BDP1: variants seen among roughly 807,000 people sequenced by gnomAD.
The protein encoded by BDP1 is transcription factor TFIIIB component B'' homolog.
BDP1 carries 169 observed loss-of-function variants against 266.6 expected under a neutral mutation model. That is an observed-to-expected ratio of 0.63 (90% CI 0.56 to 0.72). The LOEUF is 0.72. BDP1 is among the 30% of genes least tolerant of loss of function. The probability of loss-of-function intolerance (pLI) is 0.00; values close to 1 mark genes in which losing one functional copy is unlikely to be tolerated. For missense variants in BDP1, 3,015 were observed against 3,053.8 expected (o/e 0.99, Z 0.30); for synonymous variants, 1,090 against 1,022.4 (o/e 1.07, Z -1.26).
Position 71,524,123 on chromosome 5 carries a change from C to T in BDP1, c.5572C>T (p.Pro1858Ser). Residue 1858 changes from proline to serine, a missense_variant, in exon 25 of 39, where the codon CCT becomes TCT. This residue lies in a region of BDP1 where 2,383 missense variants were observed against 2,404.9 expected (regional missense o/e 0.99). Coordinates refer to ENST00000358731, the MANE Select transcript of BDP1 (RefSeq NM_018429.3). ...TCGGGGTAAGACCTCTAAGAAGGAACCTAGAGCTTCCAAGGCCATGCTGGT... is the reference window on the plus strand; with the variant it reads ...TCGGGGTAAGACCTCTAAGAAGGAATCTAGAGCTTCCAAGGCCATGCTGGT... ...RVRGKTSKKE[P>S]RASKAMLVTL... 6.2e-7 allele frequency: 1 copy of T among 1,614,158 alleles called. No homozygotes were observed. Among genetic ancestry groups the T allele is most frequent in the South Asian group, 1.1e-5 (1 of 91,084 alleles).
At chr5:71,550,678 C>T (rs1309735870) in intron 34 of BDP1, among the ~76,000 whole-genome samples, 1 of 152,020 alleles carries the variant, frequency 6.6e-6, no homozygotes, top group Non-Finnish European at 1.5e-5. Context: ...AGATAATTGT[C>T]CATCGTGTAG....
intron 7 of BDP1, 63 bp downstream of exon 7, chr5:71,470,552 A>G (rs1762175710): frequency 2.9e-6 from 3 of 1,029,904 alleles, no homozygotes; most frequent in Non-Finnish European, 4.4e-6. Context: ...TGTTAGTAGT[A>G]TTATTCGCTT....
chr5:71,507,113 C>T (rs900443975), intron 16 of BDP1, among the ~76,000 whole-genome samples: 7 of 152,100 alleles, frequency 4.6e-5, no homozygotes, highest in Admixed American at 4.6e-4. Context: ...TGAGCCACCA[C>T]GCCTGGCCAT....
At chr5:71,506,947 A>T (rs527804841) in intron 16 of BDP1, among the ~76,000 whole-genome samples, 1 of 152,050 alleles carries the variant, frequency 6.6e-6, no homozygotes, top group South Asian at 2.1e-4. Flanking sequence ...CAGCCTCCCA[A>T]GTAGCTGGGA....
intron 36 of BDP1, 33 bp downstream of exon 36, chr5:71,556,958 T>C: frequency 7.9e-7 from 1 of 1,266,522 alleles, no homozygotes; most frequent in East Asian, 2.7e-5. Context: ...TGATTGCATT[T>C]TGCTAAATAC....
At chr5:71,492,139 G>A in intron 11 of BDP1, among the ~76,000 whole-genome samples, 1 of 152,200 alleles carries the variant, frequency 6.6e-6, no homozygotes, top group Non-Finnish European at 1.5e-5. Context: ...TCTAGTACAT[G>A]TATAGACCAC....
Position 71,509,811 on chromosome 5 carries a change from A to G in BDP1, c.2719A>G (p.Arg907Gly). The change falls in exon 17 of 39, where the codon AGA (arginine) becomes GGA (glycine). Residue 907 changes from arginine (R) to glycine (G), a missense_variant. Around this residue, in one of 3 missense-constraint regions of BDP1, gnomAD observed 2,383 missense variants for 2,404.9 expected, o/e 0.99. Transcript: ENST00000358731. ...GGAGACAGGTCTGAAAGCAATGGGA[A>G]GAGAGATTTGTCTAAGGGAGAAGAC... ...EMETGLKAMG[R>G]EICLREKTPE... The G allele has an allele frequency of 6.2e-7, 1 of 1,614,140 alleles. No homozygotes were observed. The highest frequency in any genetic ancestry group is 2.2e-5 in the East Asian group (1 of 44,890).
rs563786954 is a variant in BDP1, at chr5:71,495,218, CT to C, written c.1641-28del. 1.1e-5 allele frequency: 15 copies of C among 1,379,538 alleles called. No homozygotes were observed. The East Asian group carries it at 3.1e-4, about 29-fold the overall frequency. The allele number at this position is 1,379,538 out of a possible 1,614,324, so 85.5% of individuals were successfully genotyped here. A position where few individuals can be genotyped will look rare whatever the true frequency, so the allele number is the denominator to read the frequency against. On this transcript the variant is annotated intron_variant, in intron 11 of 38. Coordinates refer to ENST00000358731, the MANE Select transcript of BDP1 (RefSeq NM_018429.3). ...TATAAAATATATATCATTAGGAATT[CT>C]TTTCTCTCTGAAATATTTTCTTTTT...
intron 20 of BDP1, 43 bp downstream of exon 20, chr5:71,515,165 C>A: frequency 3.6e-6 from 5 of 1,379,900 alleles, no homozygotes; most frequent in Non-Finnish European, 4.9e-6. Context: ...AAGAGAGATA[C>A]TTCTTTTAAA....
rs1743953363 is a variant in BDP1, at chr5:71,565,176, A to G, written c.*291A>G. Reference sequence around the variant, plus strand: ...TTGACTCTTCCTGTGCTAAGCACACATGGACATTTGGGAATGTTGTGGATA... The same window carrying G: ...TTGACTCTTCCTGTGCTAAGCACACGTGGACATTTGGGAATGTTGTGGATA... On this transcript the variant is annotated 3_prime_UTR_variant, in exon 39 of 39. Coordinates refer to ENST00000358731, the MANE Select transcript of BDP1 (RefSeq NM_018429.3). 3.8e-6 allele frequency: 1 copy of G among 261,474 alleles called. No homozygotes were observed. Among genetic ancestry groups the G allele is most frequent in the East Asian group, 8.1e-5 (1 of 12,290 alleles). The allele number at this position is 261,474 out of a possible 1,614,324, so 16.2% of individuals were successfully genotyped here. A position where few individuals can be genotyped will look rare whatever the true frequency, so the allele number is the denominator to read the frequency against.
At chr5:71,514,860 AGAT>A (rs1165380121) in intron 19 of BDP1, 81 bp from the exon 20 acceptor site, 30 of 921,938 alleles carry the variant, frequency 3.3e-5, no homozygotes, top group Admixed American at 1.0e-4. Context: ...TTCTTCACGA[AGAT>A]GATATCAGTT....
At chr5:71,515,710 G>T (rs1044084562) in intron 20 of BDP1, among the ~76,000 whole-genome samples, 2 of 151,692 alleles carry the variant, frequency 1.3e-5, no homozygotes, top group South Asian at 4.2e-4. Flanking sequence ...TTGTTGTCCC[G>T]TTGCCACCAC....
chr5:71,561,509 A>G (rs1469466143), intron 37 of BDP1, among the ~76,000 whole-genome samples: 3 of 152,230 alleles, frequency 2.0e-5, no homozygotes, highest in African/African-American at 7.2e-5. Context: ...TGGCATTTGT[A>G]TATATTTTAG....
At chr5:71,525,901 T>A (rs1229180697) in intron 25 of BDP1, among the ~76,000 whole-genome samples, 1 of 147,218 alleles carries the variant, frequency 6.8e-6, no homozygotes, top group Non-Finnish European at 1.5e-5. Flanking sequence ...AGGCAGAGGG[T>A]CTCCTCACTT....
intron 2 of BDP1, among the ~76,000 whole-genome samples, chr5:71,460,819 T>G (rs1210954033): frequency 6.6e-6 from 1 of 152,112 alleles, no homozygotes; most frequent in African/African-American, 2.4e-5. Flanking sequence ...AATTAAAGAT[T>G]AAACATTTGC....
chr5:71,493,111 C>G (rs576060038), intron 11 of BDP1, among the ~76,000 whole-genome samples: 25 of 152,292 alleles, frequency 1.6e-4, no homozygotes, highest in African/African-American at 5.5e-4. Context: ...ATGACTCTGT[C>G]TAATCTAGAT....
At chr5:71,466,558 A>T (rs1761917844) in intron 5 of BDP1, among the ~76,000 whole-genome samples, 1 of 152,210 alleles carries the variant, frequency 6.6e-6, no homozygotes, top group South Asian at 2.1e-4. Flanking sequence ...TGAAGTCAAT[A>T]TTCAAGTTCT....
chr5:71,573,610 G>A, the BDP1 span, among the ~76,000 whole-genome samples: 21 of 152,310 alleles, frequency 1.4e-4, no homozygotes, highest in Non-Finnish European at 1.9e-4. Flanking sequence ...AACAATTGGC[G>A]TGAACTTGCT....
At chr5:71,486,768 TTCAA>T (rs1763288865) in intron 9 of BDP1, 141 bp downstream of exon 9, 1 of 630,434 alleles carries the variant, frequency 1.6e-6, no homozygotes, top group Non-Finnish European at 2.5e-6. Context: ...TATATGTTTT[TTCAA>T]TCAACTAGTT....
Sources: gnomAD v4.1 joint callset for allele counts (sites outside exome capture counted in the v4.1 genomes callset) on GRCh38, gnomAD v4.1.1 for gene constraint, gnomAD v4.1.1 regional missense constraint, MANE v1.5 for transcripts, NCBI Gene and HGNC (gene_info 2026-07-23, HGNC 2026-07-21) for gene names.